Variants in WAC observed in about 807,000 individuals in gnomAD.
WAC encodes the protein WW domain containing adaptor with coiled-coil.
Under a neutral mutation model 79.6 loss-of-function variants are expected in WAC, and 11 were observed. That is an observed-to-expected ratio of 0.14 (90% CI 0.09 to 0.23). The LOEUF is 0.23. Ranked by LOEUF, WAC falls within the 10% of genes least tolerant of loss-of-function variation. The pLI, the probability that WAC is intolerant of heterozygous loss-of-function variation, is 1.00. For missense variants in WAC, 728 were observed against 773.5 expected, an observed-to-expected ratio of 0.94 and a Z score of 0.70; for synonymous variants, 304 against 276.9, an observed-to-expected ratio of 1.10 and a Z score of -0.97.
At chr10:28,618,420 G>A (rs1841566426) in intron 13 of WAC, among the ~76,000 whole-genome samples, 1 of 152,176 alleles carries the variant, frequency 6.6e-6, no homozygotes, top group African/African-American at 2.4e-5. Flanking sequence ...ACCAAATGGA[G>A]TTTATAGTAC....
intron 3 of WAC, among the ~76,000 whole-genome samples, chr10:28,563,289 TTTC>T (rs1236960211): frequency 9.2e-5 from 14 of 152,306 alleles, no homozygotes; most frequent in African/African-American, 2.9e-4. Flanking sequence ...GTTCCTATCT[TTTC>T]TTAATTTTCA....
chr10:28,534,830 A>G (rs976490707), intron 2 of WAC, among the ~76,000 whole-genome samples: 5 of 152,236 alleles, frequency 3.3e-5, no homozygotes, highest in African/African-American at 1.2e-4. Context: ...TCTGATATGT[A>G]AAACATTGGA....
At chr10:28,546,483 C>T (rs569032399) in intron 3 of WAC, among the ~76,000 whole-genome samples, 1 of 152,294 alleles carries the variant, frequency 6.6e-6, no homozygotes, top group East Asian at 1.9e-4. Flanking sequence ...TTCTGTTCTG[C>T]TGCCTGCTGG....
chr10:28,600,054 C>T (rs1289993957), intron 7 of WAC, among the ~76,000 whole-genome samples: 1 of 152,108 alleles, frequency 6.6e-6, no homozygotes, highest in East Asian at 1.9e-4. Flanking sequence ...TTTGCTATGA[C>T]CAAGTTGTCA....
chr10:28,551,542 C>T (rs989059011), intron 3 of WAC, among the ~76,000 whole-genome samples: 4 of 152,134 alleles, frequency 2.6e-5, no homozygotes, highest in African/African-American at 9.7e-5. Context: ...GCAGATCAGT[C>T]TTGGTTTCTC....
At chr10:28,563,727 A>C (rs929866079) in intron 3 of WAC, among the ~76,000 whole-genome samples, 4 of 129,844 alleles carry the variant, frequency 3.1e-5, no homozygotes, top group Non-Finnish European at 6.2e-5. Context: ...CTACAAGTGC[A>C]TGCTGCCTAC....
chr10:28,534,206 A>G, intron 2 of WAC, 172 bp downstream of exon 2: 1 of 563,054 alleles, frequency 1.8e-6, no homozygotes, highest in South Asian at 2.9e-5. Flanking sequence ...AGCGCTCTCC[A>G]GCAAGGTTTA....
At chr10:28,542,988 T>C (rs1837144665) in intron 3 of WAC, among the ~76,000 whole-genome samples, 1 of 152,216 alleles carries the variant, frequency 6.6e-6, no homozygotes, top group Admixed American at 6.5e-5. Flanking sequence ...CCTTGAATAG[T>C]GCCTGAAACT....
At chr10:28,556,867 T>C (rs1449651812) in intron 3 of WAC, among the ~76,000 whole-genome samples, 1 of 152,198 alleles carries the variant, frequency 6.6e-6, no homozygotes, top group African/African-American at 2.4e-5. Context: ...TATTTGACCG[T>C]GGAAGCATGG....
chr10:28,584,532 T>A (rs1839705938), intron 4 of WAC, among the ~76,000 whole-genome samples: 1 of 152,114 alleles, frequency 6.6e-6, no homozygotes, highest in African/African-American at 2.4e-5. Context: ...TAACATCATA[T>A]TTGCAATTTA....
intron 3 of WAC, among the ~76,000 whole-genome samples, chr10:28,574,492 G>A (rs1323212724): frequency 6.6e-6 from 1 of 152,032 alleles, no homozygotes; most frequent in Non-Finnish European, 1.5e-5. Flanking sequence ...GCCCAGGCTG[G>A]ACTGCAGTGG....
chr10:28,569,748 T>C (rs970403718), intron 3 of WAC, among the ~76,000 whole-genome samples: 2 of 152,214 alleles, frequency 1.3e-5, no homozygotes, highest in Admixed American at 1.3e-4. Context: ...GTCATACATA[T>C]GGTTTGTTGG....
At chr10:28,616,604 C>A (rs1429020067) in intron 12 of WAC, among the ~76,000 whole-genome samples, 1 of 152,174 alleles carries the variant, frequency 6.6e-6, no homozygotes, top group African/African-American at 2.4e-5. Flanking sequence ...TGCTTAATGC[C>A]TTATATTTAT....
chr10:28,537,597 A>G (rs1183622853), intron 3 of WAC: 1 of 152,194 alleles, frequency 6.6e-6, no homozygotes, highest in Non-Finnish European at 1.5e-5. Flanking sequence ...AAGTAATCCC[A>G]AGAACATTCT....
rs764934182 is a variant in WAC at position 28,556,388 on chromosome 10, ATTTTTTTTTTTTT to A, written c.274+20646_274+20658del. On this transcript the variant is annotated intron_variant, in intron 3 of 13. Transcript: ENST00000354911. ...TAGATTCAATTTCGTTGCCCATTAA[ATTTTTTTTTTTTT>A]TTTTTTTTTTTTTTGCCATTAAGCT... is the stretch of plus-strand genomic sequence containing the variant. Among the ~76,000 whole-genome samples, 16 of 55,090 alleles carry A rather than the reference ATTTTTTTTTTTTT, an allele frequency of 2.9e-4. 1 individual carries two copies. In the East Asian group the frequency reaches 6.9e-3, roughly 24 times the overall value. 36.1% of individuals were successfully genotyped at this position (55,090 alleles called of 152,430 possible). A position where few individuals can be genotyped will look rare whatever the true frequency, so the allele number is the denominator to read the frequency against.
At chr10:28,583,268 A>G (rs1839633139) in intron 3 of WAC, 131 bp from the exon 4 acceptor site, 2 of 614,214 alleles carry the variant, frequency 3.3e-6, no homozygotes, top group Middle Eastern at 4.7e-4. Flanking sequence ...ATGACTGTGT[A>G]TATATTCCTA....
At chr10:28,612,129 C>A (rs1053794531) in intron 10 of WAC, among the ~76,000 whole-genome samples, 17 of 152,110 alleles carry the variant, frequency 1.1e-4, no homozygotes, top group African/African-American at 4.1e-4. Context: ...TTTAATAAAC[C>A]ATCTGAGTCT....
At chr10:28,569,414 ATATTT>A (rs1288260033) in intron 3 of WAC, among the ~76,000 whole-genome samples, 1 of 152,264 alleles carries the variant, frequency 6.6e-6, no homozygotes, top group Non-Finnish European at 1.5e-5. Flanking sequence ...TTTTGATAGC[ATATTT>A]TAAAGACATA....
chr10:28,614,445 T>A (rs1841388335), intron 10 of WAC, 122 bp from the exon 11 acceptor site: 1 of 636,020 alleles, frequency 1.6e-6, no homozygotes, highest in Non-Finnish European at 2.7e-6. Flanking sequence ...CACAAAGAAA[T>A]GAGATCTAAG....
Sources: allele counts gnomAD v4.1 joint callset (sites outside exome capture counted in the v4.1 genomes callset), GRCh38; gene constraint gnomAD v4.1.1; transcripts MANE v1.5; gene names NCBI Gene and HGNC (gene_info 2026-07-23, HGNC 2026-07-21).